CAMK4: variants seen among roughly 807,000 people sequenced by gnomAD.
The protein encoded by CAMK4 is calcium/calmodulin dependent protein kinase IV.
In CAMK4, 22 loss-of-function variants were observed where a neutral mutation model predicts 44.9. The observed-to-expected ratio is 0.49, with a 90% CI of 0.35 to 0.70. CAMK4 has a LOEUF of 0.70. Ranked by LOEUF, CAMK4 falls within the 30% of genes least tolerant of loss-of-function variation. The probability of loss-of-function intolerance (pLI) is 0.01; values close to 1 mark genes in which losing one functional copy is unlikely to be tolerated. For synonymous variants in CAMK4, 218 were observed against 215.4 expected, an observed-to-expected ratio of 1.01 and a Z score of -0.11; for missense variants, 498 against 586.8, an observed-to-expected ratio of 0.85 and a Z score of 1.56.
chr5:111,391,425 A>C (rs1751794322), intron 4 of CAMK4, among the ~76,000 whole-genome samples: 1 of 152,108 alleles, frequency 6.6e-6, no homozygotes, highest in Non-Finnish European at 1.5e-5. Context: ...GAGAATGATT[A>C]TGGGACGTGG....
At chr5:111,454,022 TAAC>T (rs202222222) in intron 7 of CAMK4, among the ~76,000 whole-genome samples, 3,471 of 152,192 alleles carry the variant, frequency 0.023, 134 homozygotes, top group African/African-American at 0.079. Context: ...CTTTCAGAAT[TAAC>T]AAGCCACAGG....
chr5:111,412,896 T>G (rs777744665), intron 5 of CAMK4, among the ~76,000 whole-genome samples: 9 of 152,100 alleles, frequency 5.9e-5, no homozygotes, highest in Non-Finnish European at 1.2e-4. Flanking sequence ...AACCCTTAAT[T>G]TATATGTAAT....
chr5:111,341,859 C>A (rs1366248861), intron 1 of CAMK4, among the ~76,000 whole-genome samples: 1 of 151,332 alleles, frequency 6.6e-6, no homozygotes, highest in Non-Finnish European at 1.5e-5. Context: ...CCTTCTTAAT[C>A]ACCTTATTAT....
intron 7 of CAMK4, among the ~76,000 whole-genome samples, chr5:111,459,385 C>T (rs1561500800): frequency 6.6e-6 from 1 of 152,188 alleles, no homozygotes; most frequent in East Asian, 1.9e-4. Context: ...GGAGTGTTCA[C>T]AAAAGCTGAT....
intron 1 of CAMK4, chr5:111,270,111 C>T (rs763496754): frequency 1.3e-5 from 2 of 152,250 alleles, no homozygotes; most frequent in African/African-American, 2.4e-5. Flanking sequence ...TTTCTCTCTC[C>T]GCTTCCATGG....
intron 5 of CAMK4, among the ~76,000 whole-genome samples, chr5:111,432,264 C>T (rs556643131): frequency 2.0e-5 from 3 of 152,096 alleles, no homozygotes; most frequent in East Asian, 3.9e-4. Context: ...GAAAAACAAA[C>T]GTTGCATGTT....
intron 1 of CAMK4, among the ~76,000 whole-genome samples, chr5:111,309,860 A>C (rs1224547706): frequency 1.3e-5 from 2 of 152,182 alleles, no homozygotes; most frequent in African/African-American, 4.8e-5. Context: ...TCTCAGTGTC[A>C]TGTGGAGGTG....
intron 7 of CAMK4, among the ~76,000 whole-genome samples, chr5:111,455,521 G>A (rs1754385067): frequency 6.6e-6 from 1 of 152,198 alleles, no homozygotes; most frequent in South Asian, 2.1e-4. Flanking sequence ...TCACCTTCCA[G>A]CTCTTAAAAC....
intron 2 of CAMK4, among the ~76,000 whole-genome samples, chr5:111,372,653 T>A (rs114489565): frequency 1.3e-5 from 2 of 152,308 alleles, no homozygotes; most frequent in South Asian, 4.1e-4. Context: ...TTGGGACTTA[T>A]TACGTGAGTT....
In CAMK4 at chr5:111,408,406, C is replaced by T. The variant is rs148324839; in HGVS notation, c.459+13624C>T. The stretch of plus-strand genomic sequence containing the variant: ...GTGACAGGCAAGAGGGCTTTTGCAT[C>T]GGATCTTGTGAGACTTATTCACTAC... On this transcript the variant is annotated intron_variant, in intron 5 of 10. Transcript: ENST00000282356. Among the ~76,000 whole-genome samples the T allele has an allele frequency of 1.1e-4, 16 of 152,266 alleles. No homozygotes were observed. The East Asian group carries it at 2.5e-3, about 24-fold the overall frequency.
intron 1 of CAMK4, among the ~76,000 whole-genome samples, chr5:111,250,401 G>C (rs549834707): frequency 6.6e-6 from 1 of 152,250 alleles, no homozygotes; most frequent in East Asian, 1.9e-4. Context: ...AATCAGCTTT[G>C]TTTCTGATAA....
At chr5:111,323,919 T>G (rs1436768577) in intron 1 of CAMK4, among the ~76,000 whole-genome samples, 1 of 152,000 alleles carries the variant, frequency 6.6e-6, no homozygotes, top group African/African-American at 2.4e-5. Context: ...CAAAATCAAG[T>G]CCCTGAAGTA....
At chr5:111,324,356 G>T (rs1195816275) in intron 1 of CAMK4, among the ~76,000 whole-genome samples, 1 of 151,846 alleles carries the variant, frequency 6.6e-6, no homozygotes, top group East Asian at 1.9e-4. Context: ...GATATAAAAA[G>T]AAATATTCAA....
intron 1 of CAMK4, among the ~76,000 whole-genome samples, chr5:111,272,765 T>G (rs1218074902): frequency 6.6e-6 from 1 of 152,146 alleles, no homozygotes; most frequent in East Asian, 1.9e-4. Flanking sequence ...GCACCAATAT[T>G]TCTGCAGTCT....
intron 2 of CAMK4, among the ~76,000 whole-genome samples, chr5:111,349,622 C>T (rs1301596757): frequency 7.9e-5 from 12 of 151,928 alleles, no homozygotes; most frequent in Non-Finnish European, 1.0e-4. Context: ...AGAATGCCAG[C>T]TTTTGAAGAA....
At chr5:111,478,033 G>A (rs538195028) in intron 8 of CAMK4, among the ~76,000 whole-genome samples, 2 of 151,884 alleles carry the variant, frequency 1.3e-5, no homozygotes, top group African/African-American at 4.8e-5. Context: ...AAAATCCATG[G>A]AAAGGCTTTA....
chr5:111,289,944 A>T (rs750102952), intron 1 of CAMK4, among the ~76,000 whole-genome samples: 71 of 152,310 alleles, frequency 4.7e-4, no homozygotes, highest in Middle Eastern at 3.4e-3. Context: ...GAACTTGATT[A>T]TGTCTGCTGG....
In CAMK4 at chr5:111,224,978, C is replaced by T. The variant is rs1222594924; in HGVS notation, c.161+334C>T. On this transcript the variant is annotated intron_variant, in intron 1 of 10. Transcript: ENST00000282356. The surrounding 1 kb of genome is among the most constrained non-coding windows in gnomAD (Gnocchi z 5.7). ...TATCTTTGCTCACGATTATAGCTTG[C>T]CAGAGGGTCCTGTTTGTCTAGTTAT... is the stretch of plus-strand genomic sequence containing the variant. Among the ~76,000 whole-genome samples the T allele has an allele frequency of 6.6e-6, 1 of 152,110 alleles. No homozygotes were observed. The highest frequency in any genetic ancestry group is 1.5e-5 in the Non-Finnish European group (1 of 68,024).
chr5:111,342,976 A>G (rs1749707545), intron 1 of CAMK4, among the ~76,000 whole-genome samples: 2 of 151,592 alleles, frequency 1.3e-5, no homozygotes, highest in Non-Finnish European at 3.0e-5. Flanking sequence ...TTAAATTTTA[A>G]TATTTTTGCC....
Sources: gnomAD v4.1 joint callset for allele counts (sites outside exome capture counted in the v4.1 genomes callset) on GRCh38, gnomAD v4.1.1 for gene constraint, Gnocchi (gnomAD v3.1) non-coding constraint, MANE v1.5 for transcripts, NCBI Gene and HGNC (gene_info 2026-07-23, HGNC 2026-07-21) for gene names.